The following ZFYVE1 variants were observed in gnomAD, a reference collection of about 807,000 sequenced individuals.
ZFYVE1 encodes the protein zinc finger FYVE domain-containing protein 1.
A neutral mutation model predicts 74.4 loss-of-function variants in ZFYVE1; 30 were observed. The observed-to-expected ratio is 0.40, with a 90% confidence interval of 0.30 to 0.55. The LOEUF is 0.55. ZFYVE1 is among the 20% of genes least tolerant of loss of function. The pLI is 0.42. For synonymous variants in ZFYVE1, 335 were observed against 385.1 expected (o/e 0.87, Z 1.52); for missense variants, 703 against 1,011.6 (o/e 0.69, Z 4.14).
chr14:72,971,029 G>A lies in ZFYVE1; in HGVS notation c.2187C>T (p.Ser729=). 2 of 1,614,230 alleles carry A rather than the reference G, an allele frequency of 1.2e-6. No individual in the cohort carries two copies. The highest frequency in any genetic ancestry group is 2.2e-5 in the South Asian group (2 of 91,080). The change falls in exon 12 of 12, where the codon AGC becomes AGT. Residue 729 remains serine, a synonymous_variant. Coordinates refer to ENST00000556143, the MANE Select transcript of ZFYVE1 (RefSeq NM_021260.4). ...GGCAGTGGTGCTTGGAGAGCTTGAT[G>A]CTGAACTCCTTCCGGCAGTTGTGGC... ...LHCHNCRKEF[S]IKLSKHHCRA...
intron 2 of ZFYVE1, among the ~76,000 whole-genome samples, chr14:73,008,200 C>A (rs1894019993): frequency 6.6e-6 from 1 of 152,208 alleles, no homozygotes; most frequent in African/African-American, 2.4e-5. Context: ...ACTCTTGTTG[C>A]CCAGGCTGGA....
At chr14:72,977,155 C>T (rs138350758) in intron 8 of ZFYVE1, among the ~76,000 whole-genome samples, 3,134 of 152,306 alleles carry the variant, frequency 0.021, 92 homozygotes, top group African/African-American at 0.069. Flanking sequence ...CGCCCATAAT[C>T]CCAGCCCTTT....
chr14:72,982,433 T>C (rs1893359699), intron 4 of ZFYVE1, among the ~76,000 whole-genome samples: 1 of 151,426 alleles, frequency 6.6e-6, no homozygotes, highest in Non-Finnish European at 1.5e-5. Context: ...TTGCCAGTCA[T>C]TTATCAACTC....
chr14:72,991,961 C>T (rs1398941559), intron 4 of ZFYVE1, among the ~76,000 whole-genome samples: 1 of 151,136 alleles, frequency 6.6e-6, no homozygotes, highest in Non-Finnish European at 1.5e-5. Flanking sequence ...GGCTGGAGTG[C>T]AGTGGGACAA....
chr14:73,004,257 T>C (rs1364455001), intron 2 of ZFYVE1, among the ~76,000 whole-genome samples: 4 of 152,106 alleles, frequency 2.6e-5, no homozygotes, highest in Non-Finnish European at 5.9e-5. Context: ...GCCATCCACC[T>C]GCTCCACCAG....
chr14:72,970,086 G>A lies in ZFYVE1; in HGVS notation c.*796C>T, dbSNP rs143858598. 66 of 306,004 alleles carry A rather than the reference G, an allele frequency of 2.2e-4. No individual in the cohort carries two copies. The East Asian group carries it at 4.0e-3, about 18-fold the overall frequency. 19.0% of individuals were successfully genotyped at this position (306,004 alleles called of 1,614,324 possible). A position where few individuals can be genotyped will look rare whatever the true frequency, so the allele number is the denominator to read the frequency against. On this transcript the variant is annotated 3_prime_UTR_variant, in exon 12 of 12. Transcript: ENST00000556143. ...CTGGGTGCCGCCTTTTGGGAAAGCCGAGTGGAGACAGAAGCATCGGGACAG... is the reference window on the plus strand; with the variant it reads ...CTGGGTGCCGCCTTTTGGGAAAGCCAAGTGGAGACAGAAGCATCGGGACAG...
At chr14:72,988,806 C>CAAA (rs1425078012) in intron 4 of ZFYVE1, among the ~76,000 whole-genome samples, 8,819 of 79,776 alleles carry the variant, frequency 0.11, 372 homozygotes, top group African/African-American at 0.13. Flanking sequence ...GACTCTGTCT[C>CAAA]AAAAAAAAAA....
chr14:72,998,095 T>C lies in ZFYVE1; in HGVS notation c.704A>G (p.Asp235Gly). The change falls in exon 3 of 12, where the codon GAT becomes GGT. Residue 235 changes from aspartate (D) to glycine (G), a missense_variant. Transcript: ENST00000556143. ...YDPVHKVAVI[D>G]TEGLLGATVN... ...GGTGGCCCCCAGGAGCCCTTCCGTA[T>C]CGATCACTGCTACTTTGTGAACTGG... The C allele has an allele frequency of 6.2e-7, 1 of 1,614,084 alleles. No homozygotes were observed. Among genetic ancestry groups the C allele is most frequent in the Non-Finnish European group, 8.5e-7 (1 of 1,180,012 alleles).
intron 8 of ZFYVE1, among the ~76,000 whole-genome samples, chr14:72,976,329 C>T (rs2140343856): frequency 6.6e-6 from 1 of 152,252 alleles, no homozygotes. Context: ...TTTCCTGGAA[C>T]ATAAACTATC....
intron 4 of ZFYVE1, among the ~76,000 whole-genome samples, chr14:72,986,666 C>G (rs2140356264): frequency 6.6e-6 from 1 of 151,330 alleles, no homozygotes; most frequent in Admixed American, 6.6e-5. Flanking sequence ...GTAGCTGGGA[C>G]TACAGGCGCG....
chr14:73,013,887 C>G (rs1436468880), intron 2 of ZFYVE1, among the ~76,000 whole-genome samples: 1 of 152,164 alleles, frequency 6.6e-6, no homozygotes, highest in Non-Finnish European at 1.5e-5. Context: ...AGGGAAGACT[C>G]CCCAGAAAAG....
intron 4 of ZFYVE1, among the ~76,000 whole-genome samples, chr14:72,982,880 G>A (rs1187252738): frequency 4.0e-5 from 6 of 151,028 alleles, no homozygotes; most frequent in Non-Finnish European, 5.9e-5. Context: ...TTTTGCTCTT[G>A]TTGCCCAGGC....
At chr14:73,007,294 A>G (rs1044390961) in intron 2 of ZFYVE1, among the ~76,000 whole-genome samples, 1 of 151,942 alleles carries the variant, frequency 6.6e-6, no homozygotes, top group Non-Finnish European at 1.5e-5. Flanking sequence ...CCTGGAAAAC[A>G]CTCTTAAGAA....
chr14:72,983,347 C>A (rs1594836677), intron 4 of ZFYVE1, among the ~76,000 whole-genome samples: 1 of 129,462 alleles, frequency 7.7e-6, no homozygotes, highest in Non-Finnish European at 1.6e-5. Context: ...TCCTTCCCCC[C>A]TCCCCCCCAC....
In ZFYVE1 at chr14:72,998,197, A is replaced by C; in HGVS notation, c.602T>G (p.Phe201Cys). 1 of 1,614,098 alleles carries C rather than the reference A, an allele frequency of 6.2e-7. No individual in the cohort carries two copies. Among genetic ancestry groups the C allele is most frequent in the Non-Finnish European group, 8.5e-7 (1 of 1,180,020 alleles). ...TTTAAAGACTTCACGACCATAAAAG[A>C]AAGTGTGGTTGAGAGTATGAGACTT... ...DGKSHTLNHT[F>C]FYGREVFKTS... Residue 201 changes from phenylalanine to cysteine, a missense_variant, in exon 3 of 12, where the codon TTC becomes TGC. By Grantham distance (205) the Phe-to-Cys change is radical. Transcript: ENST00000556143.
At position 73,022,889 on chromosome 14, in the gene ZFYVE1, C is replaced by T. The variant is rs539000136; in HGVS notation, c.483+1137G>A. Among the ~76,000 whole-genome samples the T allele has an allele frequency of 3.0e-3, 460 of 152,010 alleles. 3 individuals are homozygous for T. Among genetic ancestry groups the T allele is most frequent in the African/African-American group, 0.011 (440 of 41,490 alleles). On this transcript the variant is annotated intron_variant, in intron 2 of 11. Coordinates refer to ENST00000556143, the MANE Select transcript of ZFYVE1 (RefSeq NM_021260.4). ...ACCTATACAAGAAAATATGAAGAGA[C>T]CAGCCAATCGCGCCTGTAATCCCAG... is the stretch of plus-strand genomic sequence containing the variant.
At chr14:72,978,350 C>G (rs950158654) in intron 6 of ZFYVE1, 116 bp from the exon 7 acceptor site, 4 of 915,126 alleles carry the variant, frequency 4.4e-6, no homozygotes, top group Non-Finnish European at 1.7e-6. Flanking sequence ...GCAATCTGCC[C>G]GATCTCAGGA....
At chr14:73,022,892 G>A (rs750692846) in intron 2 of ZFYVE1, among the ~76,000 whole-genome samples, 1 of 151,738 alleles carries the variant, frequency 6.6e-6, no homozygotes, top group Non-Finnish European at 1.5e-5. Flanking sequence ...GAAGAGACCA[G>A]CCAATCGCGC....
chr14:72,979,142 C>T (rs997682046), intron 5 of ZFYVE1, 173 bp from the exon 6 acceptor site: 5 of 600,688 alleles, frequency 8.3e-6, no homozygotes, highest in Admixed American at 2.6e-5. Flanking sequence ...CTCTTTGTTA[C>T]ACTTGCAATC....
Sources: allele counts gnomAD v4.1 joint callset (sites outside exome capture counted in the v4.1 genomes callset), GRCh38; gene constraint gnomAD v4.1.1; transcripts MANE v1.5; gene names NCBI Gene and HGNC (gene_info 2026-07-23, HGNC 2026-07-21).